The following SLC9C1 variants were observed in gnomAD, a reference collection of about 807,000 sequenced individuals.
SLC9C1 encodes the protein sodium/hydrogen exchanger 10.
Under a neutral mutation model 140.9 loss-of-function variants are expected in SLC9C1, and 97 were observed. The observed-to-expected ratio is 0.69, with a 90% CI of 0.58 to 0.82. The LOEUF is 0.82. Among genes scored for constraint, SLC9C1 ranks in the 40% least tolerant of loss-of-function variants. The pLI, the probability that SLC9C1 is intolerant of heterozygous loss-of-function variation, is 0.00. For missense variants in SLC9C1, 1,340 were observed against 1,389.3 expected (o/e 0.96, Z 0.56); for synonymous variants, 440 against 442.6 (o/e 0.99, Z 0.07).
chr3:112,179,572 C>T lies in SLC9C1; in HGVS notation c.2878G>A (p.Glu960Lys), dbSNP rs1403027391. The T allele has an allele frequency of 6.2e-7, 1 of 1,610,352 alleles. No homozygotes were observed. Among genetic ancestry groups the T allele is most frequent in the Non-Finnish European group, 8.5e-7 (1 of 1,178,860 alleles). Residue 960 changes from glutamate (E) to lysine (K), a missense_variant, in exon 23 of 29, where the codon GAA becomes AAA. Glu to Lys is a moderately conservative substitution (Grantham distance 56). Coordinates refer to ENST00000305815, the MANE Select transcript of SLC9C1 (RefSeq NM_183061.3). ...IIGEINCLTN[E>K]PMKYSATCKT... ...CAGGTGGCAGAATATTTCATAGGTT[C>T]ATTAGTTAAGCAGTTTATCTCTCCT...
In SLC9C1 at chr3:112,264,324, G is replaced by A. The variant is rs368111838; in HGVS notation, c.898C>T (p.Arg300Cys). The A allele has an allele frequency of 1.2e-5, 18 of 1,460,594 alleles. No individual in the cohort carries two copies. The highest frequency in any genetic ancestry group is 1.0e-4 in the African/African-American group (7 of 67,368). The allele number at this position is 1,460,594 out of a possible 1,614,324, so 90.5% of individuals were successfully genotyped here. A position where few individuals can be genotyped will look rare whatever the true frequency, so the allele number is the denominator to read the frequency against. ...LLLEFWTFLS[R>C]IAFLMVFTFF... ...GTAAACACCATGAGAAAAGCAATAC[G>A]TGATAGAAAAGTCCAGAATCTGCAT... The change falls in exon 9 of 29, where the codon CGT becomes TGT. Residue 300 changes from arginine (R) to cysteine (C), a missense_variant. Transcript: ENST00000305815.
intron 25 of SLC9C1, among the ~76,000 whole-genome samples, chr3:112,168,676 G>T (rs979906716): frequency 2.8e-4 from 43 of 152,190 alleles, no homozygotes; most frequent in African/African-American, 1.0e-3. Context: ...GCTAGCAAGT[G>T]CCAAAGCAGT....
chr3:112,261,006 A>G (rs2079756924), intron 10 of SLC9C1, among the ~76,000 whole-genome samples: 1 of 151,980 alleles, frequency 6.6e-6, no homozygotes, highest in African/African-American at 2.4e-5. Flanking sequence ...TCATATAGGT[A>G]TTTTCTGCCC....
chr3:112,285,605 A>C (rs572627595), intron 2 of SLC9C1, among the ~76,000 whole-genome samples: 102 of 152,336 alleles, frequency 6.7e-4, no homozygotes, highest in African/African-American at 2.3e-3. Flanking sequence ...GCATAGATTA[A>C]GATTACACTG....
chr3:112,171,331 C>T (rs181373403), intron 23 of SLC9C1, among the ~76,000 whole-genome samples: 1 of 152,270 alleles, frequency 6.6e-6, no homozygotes, highest in Admixed American at 6.5e-5. Flanking sequence ...TGACGTACCA[C>T]TGTGGGTTTA....
At chr3:112,233,533 C>A in intron 12 of SLC9C1, among the ~76,000 whole-genome samples, 1 of 151,960 alleles carries the variant, frequency 6.6e-6, no homozygotes, top group Non-Finnish European at 1.5e-5. Flanking sequence ...GCACAATGTG[C>A]AAGTTAGTTA....
intron 20 of SLC9C1, among the ~76,000 whole-genome samples, chr3:112,197,596 C>T (rs533667818): frequency 3.0e-4 from 46 of 152,188 alleles, no homozygotes; most frequent in Admixed American, 1.0e-3. Flanking sequence ...CAAGCCTTCC[C>T]CTGAAAGTTG....
intron 13 of SLC9C1, among the ~76,000 whole-genome samples, chr3:112,229,595 T>G (rs1185760727): frequency 6.6e-6 from 1 of 151,550 alleles, no homozygotes; most frequent in Non-Finnish European, 1.5e-5. Flanking sequence ...AGCAAAAGGG[T>G]GTATAGATTT....
intron 10 of SLC9C1, among the ~76,000 whole-genome samples, chr3:112,248,798 TC>T (rs1048163386): frequency 4.7e-4 from 71 of 152,332 alleles, no homozygotes; most frequent in African/African-American, 1.6e-3. Flanking sequence ...TTTAAGTTTT[TC>T]TTTTTAAATA....
At chr3:112,195,945 C>G (rs1182624555) in intron 20 of SLC9C1, among the ~76,000 whole-genome samples, 2 of 152,086 alleles carry the variant, frequency 1.3e-5, no homozygotes, top group Non-Finnish European at 2.9e-5. Flanking sequence ...ATCATGATTA[C>G]AATAATACTA....
intron 20 of SLC9C1, among the ~76,000 whole-genome samples, chr3:112,193,583 C>G (rs1489303922): frequency 6.6e-6 from 1 of 151,916 alleles, no homozygotes; most frequent in Non-Finnish European, 1.5e-5. Flanking sequence ...GGGGGTAGCC[C>G]ATGGGGTTGT....
chr3:112,292,403 C>T (rs530440258), intron 1 of SLC9C1, among the ~76,000 whole-genome samples: 1 of 152,288 alleles, frequency 6.6e-6, no homozygotes, highest in African/African-American at 2.4e-5. Flanking sequence ...TTGGCTTCCC[C>T]AACCTCTACT....
chr3:112,278,613 C>T (rs2080277536), intron 4 of SLC9C1, 116 bp downstream of exon 4: 21 of 1,120,484 alleles, frequency 1.9e-5, no homozygotes, highest in Non-Finnish European at 2.6e-5. Flanking sequence ...ATTTATTACT[C>T]CCATACCCTT....
chr3:112,284,247 C>G (rs1334564306), intron 2 of SLC9C1, among the ~76,000 whole-genome samples: 5 of 152,184 alleles, frequency 3.3e-5, no homozygotes, highest in African/African-American at 1.2e-4. Flanking sequence ...TTTAGTTGCA[C>G]TGGGAACAGA....
At chr3:112,243,675 A>G (rs543797171) in intron 11 of SLC9C1, among the ~76,000 whole-genome samples, 5 of 136,898 alleles carry the variant, frequency 3.7e-5, no homozygotes, top group African/African-American at 1.4e-4. Context: ...ACTTGTATTT[A>G]TATAATTTAT....
In SLC9C1 at chr3:112,243,995, C is replaced by G. The variant is rs1460298506; in HGVS notation, c.1279G>C (p.Gly427Arg). 3 of 1,588,310 alleles carry G rather than the reference C, an allele frequency of 1.9e-6. No homozygotes were observed. The highest frequency in any genetic ancestry group is 2.7e-5 in the African/African-American group (2 of 73,972). The change falls in exon 11 of 29, where the codon GGT becomes CGT. Residue 427 changes from glycine (G) to arginine (R), a missense_variant and splice_region_variant. Coordinates refer to ENST00000305815, the MANE Select transcript of SLC9C1 (RefSeq NM_183061.3). The stretch of plus-strand genomic sequence containing the variant: ...AGGAATAGTAACTGTTAGGGCTTAC[C>G]TAGTATAGTAACTGCCACTGGCAAA... Reference protein sequence around the residue: ...FILPVAVTILGLRDATSTKYK... With the variant: ...FILPVAVTILRLRDATSTKYK...
chr3:112,218,782 T>C (rs999670472), intron 14 of SLC9C1, among the ~76,000 whole-genome samples: 1 of 152,140 alleles, frequency 6.6e-6, no homozygotes, highest in African/African-American at 2.4e-5. Context: ...TTTAATATAG[T>C]CTTATTGTGA....
In SLC9C1 at chr3:112,180,605, C is replaced by T. The variant is rs367689889; in HGVS notation, c.2707G>A (p.Glu903Lys). 36 of 1,613,348 alleles carry T rather than the reference C, an allele frequency of 2.2e-5. No homozygotes were observed. The African/African-American group carries it at 3.5e-4, about 16-fold the overall frequency. ...CGNDIFEEGD[E>K]PKGIYIIISG... ...ATAATGATATAGATTCCTTTGGGCTCATCACCTTCTTCAAATATATCATTT... is the reference window on the plus strand; with the variant it reads ...ATAATGATATAGATTCCTTTGGGCTTATCACCTTCTTCAAATATATCATTT... The change falls in exon 22 of 29, where the codon GAG becomes AAG. Residue 903 changes from glutamate (E) to lysine (K), a missense_variant. Coordinates refer to ENST00000305815, the MANE Select transcript of SLC9C1 (RefSeq NM_183061.3).
intron 10 of SLC9C1, among the ~76,000 whole-genome samples, chr3:112,257,218 C>T (rs1046099075): frequency 1.3e-5 from 2 of 152,054 alleles, no homozygotes; most frequent in African/African-American, 2.4e-5. Flanking sequence ...TCGTATGGAA[C>T]CAAAAAGAGC....
Sources: gnomAD v4.1 joint callset for allele counts (sites outside exome capture counted in the v4.1 genomes callset) on GRCh38, gnomAD v4.1.1 for gene constraint, MANE v1.5 for transcripts, NCBI Gene and HGNC (gene_info 2026-07-23, HGNC 2026-07-21) for gene names.